The following ROR2 variants were observed in gnomAD, a reference collection of about 807,000 sequenced individuals.
ROR2 encodes the protein tyrosine-protein kinase transmembrane receptor ROR2.
A neutral mutation model predicts 74.9 loss-of-function variants in ROR2; 33 were observed. The observed-to-expected ratio is 0.44, with a 90% confidence interval of 0.33 to 0.59. The LOEUF (loss-of-function observed/expected upper bound fraction) is 0.59, where lower values mean the gene tolerates loss of function less well. Ranked by LOEUF, ROR2 falls within the 20% of genes least tolerant of loss-of-function variation. The pLI, the probability that ROR2 is intolerant of heterozygous loss-of-function variation, is 0.02. For missense variants in ROR2, 1,216 were observed against 1,313.8 expected, an observed-to-expected ratio of 0.93 and a Z score of 1.15; for synonymous variants, 586 against 558.7, an observed-to-expected ratio of 1.05 and a Z score of -0.69.
intron 1 of ROR2, among the ~76,000 whole-genome samples, chr9:91,946,794 T>C (rs1343219050): frequency 6.6e-6 from 1 of 152,186 alleles, no homozygotes; most frequent in East Asian, 1.9e-4. Flanking sequence ...TCTCAGGGAA[T>C]GCATTTTAAA....
intron 1 of ROR2, among the ~76,000 whole-genome samples, chr9:91,780,720 G>A (rs1169717578): frequency 6.6e-6 from 1 of 152,206 alleles, no homozygotes; most frequent in Non-Finnish European, 1.5e-5. Context: ...GAATCTGGGA[G>A]GTGGAGGTTG....
intron 1 of ROR2, among the ~76,000 whole-genome samples, chr9:91,807,919 G>C (rs912227982): frequency 1.3e-5 from 2 of 152,128 alleles, no homozygotes; most frequent in African/African-American, 4.8e-5. Context: ...GAAAGGTGCT[G>C]ATGGATGAAT....
intron 1 of ROR2, among the ~76,000 whole-genome samples, chr9:91,893,494 C>T (rs1463388044): frequency 6.6e-6 from 1 of 152,090 alleles, no homozygotes; most frequent in Non-Finnish European, 1.5e-5. Context: ...CCTTCTTCCC[C>T]ACACCCCTCC....
At chr9:91,941,063 T>C (rs1164652554) in intron 1 of ROR2, among the ~76,000 whole-genome samples, 1 of 149,470 alleles carries the variant, frequency 6.7e-6, no homozygotes, top group Non-Finnish European at 1.5e-5. Flanking sequence ...CATGGCGCTA[T>C]CTCGGCTCAC....
At chr9:91,853,704 A>G (rs7031562) in intron 1 of ROR2, among the ~76,000 whole-genome samples, 59,368 of 151,852 alleles carry the variant, frequency 0.39, 13,370 homozygotes, top group African/African-American at 0.6. Flanking sequence ...TCGACATCCC[A>G]CTCTGAGAAT....
At chr9:91,741,301 G>GTAATAA (rs747307979) in intron 4 of ROR2, among the ~76,000 whole-genome samples, 4,598 of 100,550 alleles carry the variant, frequency 0.046, 131 homozygotes, top group South Asian at 0.17. Context: ...TCTGTCTCAA[G>GTAATAA]TAGTAATAAT....
chr9:91,833,830 G>A (rs1248455705), intron 1 of ROR2, among the ~76,000 whole-genome samples: 1 of 152,128 alleles, frequency 6.6e-6, no homozygotes, highest in Non-Finnish European at 1.5e-5. Flanking sequence ...CAGCTTGAAG[G>A]GATATGGAGG....
intron 1 of ROR2, among the ~76,000 whole-genome samples, chr9:91,859,156 T>A (rs1189537624): frequency 6.6e-6 from 1 of 150,968 alleles, no homozygotes; most frequent in Non-Finnish European, 1.5e-5. Context: ...TAGGCCAGGA[T>A]GGAACTCATT....
intron 1 of ROR2, among the ~76,000 whole-genome samples, chr9:91,934,418 C>T (rs1831629481): frequency 6.6e-6 from 1 of 152,136 alleles, no homozygotes; most frequent in Non-Finnish European, 1.5e-5. Flanking sequence ...AAATAATTGG[C>T]CCCAGCCAAA....
intron 1 of ROR2, among the ~76,000 whole-genome samples, chr9:91,854,338 A>C (rs1273820284): frequency 6.6e-6 from 1 of 152,198 alleles, no homozygotes; most frequent in Admixed American, 6.5e-5. Context: ...GGAGGTGGTG[A>C]GGCGTAGGAT....
chr9:91,773,599 G>A (rs973675798), intron 2 of ROR2, among the ~76,000 whole-genome samples: 1 of 152,184 alleles, frequency 6.6e-6, no homozygotes, highest in Non-Finnish European at 1.5e-5. Context: ...AACTGAAATC[G>A]TAATTTTATT....
chr9:91,799,905 C>T (rs1343954812), intron 1 of ROR2, among the ~76,000 whole-genome samples: 1 of 152,194 alleles, frequency 6.6e-6, no homozygotes, highest in Non-Finnish European at 1.5e-5. Context: ...CCCAGGTGTG[C>T]GTGGCCAGGG....
intron 1 of ROR2, among the ~76,000 whole-genome samples, chr9:91,874,828 G>A (rs959078075): frequency 2.6e-5 from 4 of 152,020 alleles, no homozygotes; most frequent in African/African-American, 9.7e-5. Context: ...CCAGCTACTC[G>A]GGAGGCTGAG....
intron 1 of ROR2, among the ~76,000 whole-genome samples, chr9:91,874,610 G>A (rs1156443467): frequency 6.6e-6 from 1 of 152,138 alleles, no homozygotes; most frequent in African/African-American, 2.4e-5. Flanking sequence ...GACTTCTAAA[G>A]AAACCAAAAC....
chr9:91,787,742 T>A (rs1429020830), intron 1 of ROR2, among the ~76,000 whole-genome samples: 1 of 152,092 alleles, frequency 6.6e-6, no homozygotes, highest in Admixed American at 6.5e-5. Context: ...ATTGTCCAAT[T>A]TTTAACAGAG....
intron 2 of ROR2, among the ~76,000 whole-genome samples, chr9:91,773,749 G>A (rs1015376463): frequency 2.0e-5 from 3 of 152,022 alleles, no homozygotes; most frequent in South Asian, 2.1e-4. Flanking sequence ...ATGACACCAA[G>A]TCCCGCTTGA....
chr9:91,899,181 G>GGGGGATGGCAGAGCA (rs1830610332), intron 1 of ROR2, among the ~76,000 whole-genome samples: 1 of 152,192 alleles, frequency 6.6e-6, no homozygotes, highest in Non-Finnish European at 1.5e-5. Flanking sequence ...CAGGGGGTGC[G>GGGGGATGGCAGAGCA]GGGGATGGCA....
chr9:91,936,678 T>C (rs1246378234), intron 1 of ROR2, among the ~76,000 whole-genome samples: 2 of 152,168 alleles, frequency 1.3e-5, no homozygotes, highest in African/African-American at 4.8e-5. Context: ...CATAAAAACT[T>C]GAAACTCCAA....
At chr9:91,922,591 C>A (rs906021341) in intron 1 of ROR2, among the ~76,000 whole-genome samples, 7 of 152,034 alleles carry the variant, frequency 4.6e-5, no homozygotes, top group Non-Finnish European at 1.0e-4. Flanking sequence ...GTAGCTGGGA[C>A]TACAGGCGCG....
Sources: gnomAD v4.1 joint callset for allele counts (sites outside exome capture counted in the v4.1 genomes callset) on GRCh38, gnomAD v4.1.1 for gene constraint, MANE v1.5 for transcripts, NCBI Gene and HGNC (gene_info 2026-07-23, HGNC 2026-07-21) for gene names.